Variants in ITGBL1 observed in about 807,000 individuals in gnomAD.
ITGBL1 encodes integrin subunit beta like 1.
Under a neutral mutation model 68.5 loss-of-function variants are expected in ITGBL1, and 51 were observed. That is an observed-to-expected ratio of 0.74 (90% confidence interval 0.59 to 0.94). ITGBL1 has a LOEUF of 0.94. Among genes scored for constraint, ITGBL1 ranks in the 40% least tolerant of loss-of-function variants. The probability of loss-of-function intolerance (pLI) is 0.00; values close to 1 mark genes in which losing one functional copy is unlikely to be tolerated. For synonymous variants in ITGBL1, 209 were observed against 227.3 expected, an observed-to-expected ratio of 0.92 and a Z score of 0.72; for missense variants, 649 against 647.4, an observed-to-expected ratio of 1.00 and a Z score of -0.03.
Position 101,715,595 on chromosome 13 carries a change from T to C in ITGBL1, c.1426T>C (p.Cys476Arg), listed in dbSNP as rs779594336. Residue 476 changes from cysteine (C) to arginine (R), a missense_variant, in exon 11 of 11, where the codon TGC becomes CGC. Cys to Arg is a radical substitution (Grantham distance 180, BLOSUM62 -3). Transcript: ENST00000376180. The stretch of plus-strand genomic sequence containing the variant: ...AATATGTAGCTGTGGAAACTGTGAA[T>C]GCTGGGATGGATGGAATGGAAATGC... ...NGICSCGNCE[C>R]WDGWNGNACE... 5 of 1,613,422 alleles carry C rather than the reference T, an allele frequency of 3.1e-6. No individual in the cohort carries two copies. The highest frequency in any genetic ancestry group is 2.5e-6 in the Non-Finnish European group (3 of 1,179,520).
intron 2 of ITGBL1, among the ~76,000 whole-genome samples, chr13:101,516,730 ATTAT>A (rs983997523): frequency 6.6e-6 from 1 of 152,146 alleles, no homozygotes; most frequent in Non-Finnish European, 1.5e-5. Flanking sequence ...TAATTATCAT[ATTAT>A]TTCTAAGTTT....
chr13:101,470,193 T>TA (rs1175555220), intron 2 of ITGBL1, among the ~76,000 whole-genome samples: 2 of 152,238 alleles, frequency 1.3e-5, no homozygotes, highest in African/African-American at 2.4e-5. Flanking sequence ...AATATTCTGT[T>TA]ACCTTAGCTA....
chr13:101,643,074 A>G (rs1217821251), intron 7 of ITGBL1, among the ~76,000 whole-genome samples: 7 of 150,268 alleles, frequency 4.7e-5, no homozygotes, highest in Admixed American at 3.3e-4. Context: ...TATGAACTTT[A>G]AAGTAGTTTT....
intron 2 of ITGBL1, among the ~76,000 whole-genome samples, chr13:101,458,087 A>G (rs2048268491): frequency 6.6e-6 from 1 of 152,220 alleles, no homozygotes; most frequent in South Asian, 2.1e-4. Context: ...GTCCTGTTGA[A>G]GGGAGTGTAA....
chr13:101,696,119 T>G (rs3783224), intron 8 of ITGBL1, among the ~76,000 whole-genome samples: 1 of 151,972 alleles, frequency 6.6e-6, no homozygotes, highest in Non-Finnish European at 1.5e-5. Context: ...GAGAAAATAG[T>G]CCCCAATTAT....
At position 101,569,270 on chromosome 13, in the gene ITGBL1, G is replaced by GT. The variant is rs138541868; in HGVS notation, c.463+1434dup. Among the ~76,000 whole-genome samples, 1,449 of 151,226 alleles carry GT rather than the reference G, an allele frequency of 9.6e-3. 19 individuals are homozygous for GT. Among genetic ancestry groups the GT allele is most frequent in the African/African-American group, 0.033 (1,347 of 41,270 alleles). ...TTATTGTTTGCAAATCAAATTTAGG[G>GT]TTTTTTTTTAGAGAACATTATAATC... On this transcript the variant is annotated intron_variant, in intron 3 of 10. Transcript: ENST00000376180.
At chr13:101,611,729 A>C (rs764720228) in intron 7 of ITGBL1, among the ~76,000 whole-genome samples, 17 of 152,034 alleles carry the variant, frequency 1.1e-4, no homozygotes, top group Middle Eastern at 3.4e-3. Context: ...TTAGCTCCAT[A>C]AGCTTGCATT....
chr13:101,654,287 T>C lies in ITGBL1; in HGVS notation c.1016-38298T>C, dbSNP rs190338704. ...AAATTAATGAAGGCCCTTGGAAGAT[T>C]TTTAGAAGGGGAAGGTGACATACTT... On this transcript the variant is annotated intron_variant, in intron 7 of 10. Transcript: ENST00000376180. Among the ~76,000 whole-genome samples the C allele has an allele frequency of 1.8e-3, 273 of 152,136 alleles. 2 individuals carry two copies. The highest frequency in any genetic ancestry group is 6.4e-3 in the African/African-American group (265 of 41,516).
chr13:101,475,599 AC>A (rs1329616630), intron 2 of ITGBL1, among the ~76,000 whole-genome samples: 1 of 152,150 alleles, frequency 6.6e-6, no homozygotes, highest in Admixed American at 6.6e-5. Flanking sequence ...AATAGATTTA[AC>A]CCAAATAAGA....
intron 2 of ITGBL1, among the ~76,000 whole-genome samples, chr13:101,540,603 G>T (rs1284836622): frequency 6.6e-6 from 1 of 152,158 alleles, no homozygotes; most frequent in Non-Finnish European, 1.5e-5. Context: ...ATCATTGGTA[G>T]CTTGATGGGG....
intron 2 of ITGBL1, among the ~76,000 whole-genome samples, chr13:101,549,725 T>C (rs989655183): frequency 6.6e-6 from 1 of 152,110 alleles, no homozygotes; most frequent in African/African-American, 2.4e-5. Flanking sequence ...AGTGAAAATA[T>C]CCAGTATAAT....
intron 7 of ITGBL1, among the ~76,000 whole-genome samples, chr13:101,606,174 T>TTATATATATATATA (rs4000927): frequency 1.4e-5 from 2 of 138,042 alleles, no homozygotes; most frequent in African/African-American, 5.4e-5. Flanking sequence ...ATTAGGATTT[T>TTATATATATATATA]TATATATATA....
chr13:101,471,560 G>T (rs866276528), intron 2 of ITGBL1, among the ~76,000 whole-genome samples: 9 of 131,898 alleles, frequency 6.8e-5, no homozygotes, highest in African/African-American at 2.6e-4. Context: ...GTGTGTGTGT[G>T]TGTGTGTGTA....
At chr13:101,615,567 T>C (rs1330486781) in intron 7 of ITGBL1, among the ~76,000 whole-genome samples, 2 of 152,012 alleles carry the variant, frequency 1.3e-5, no homozygotes, top group Non-Finnish European at 2.9e-5. Flanking sequence ...TATTAGAAGG[T>C]GGGGTCTTTG....
chr13:101,521,505 AAGACAG>A (rs2049283505), intron 2 of ITGBL1, among the ~76,000 whole-genome samples: 1 of 152,172 alleles, frequency 6.6e-6, no homozygotes. Flanking sequence ...TCCAGGGAAC[AAGACAG>A]AGACCAGTGT....
At chr13:101,623,097 C>T (rs987244339) in intron 7 of ITGBL1, among the ~76,000 whole-genome samples, 21 of 152,052 alleles carry the variant, frequency 1.4e-4, no homozygotes, top group South Asian at 8.3e-4. Flanking sequence ...AAATCACTGA[C>T]GCTTGTTAAT....
Position 101,628,232 on chromosome 13 carries a change from A to G in ITGBL1, c.1015+29933A>G, listed in dbSNP as rs556064210. On this transcript the variant is annotated intron_variant, in intron 7 of 10. Transcript: ENST00000376180. Reference sequence around the variant, plus strand: ...ACATCTTTTTATGTACTTGTTTGCCATCTGTATGTTTTCTTTAATAAGGCA... The same window carrying G: ...ACATCTTTTTATGTACTTGTTTGCCGTCTGTATGTTTTCTTTAATAAGGCA... Among the ~76,000 whole-genome samples the G allele has an allele frequency of 3.9e-5, 6 of 152,220 alleles. No homozygotes were observed. In the East Asian group the frequency reaches 1.2e-3, roughly 29 times the overall value.
chr13:101,692,245 T>C (rs1198479898), intron 7 of ITGBL1, among the ~76,000 whole-genome samples: 2 of 152,212 alleles, frequency 1.3e-5, no homozygotes, highest in Non-Finnish European at 2.9e-5. Flanking sequence ...TAATGTATTA[T>C]GTTATGTTCA....
intron 2 of ITGBL1, among the ~76,000 whole-genome samples, chr13:101,458,125 T>C: frequency 6.6e-6 from 1 of 152,192 alleles, no homozygotes; most frequent in East Asian, 1.9e-4. Context: ...CAGCTTACCA[T>C]TGAGTAGGGA....
Sources: allele counts gnomAD v4.1 joint callset (sites outside exome capture counted in the v4.1 genomes callset), GRCh38; gene constraint gnomAD v4.1.1; transcripts MANE v1.5; gene names NCBI Gene and HGNC (gene_info 2026-07-23, HGNC 2026-07-21).